The following ACSM6 variants were observed in gnomAD, a reference collection of about 807,000 sequenced individuals.
ACSM6 encodes acyl-CoA synthetase medium chain family member 6.
Under a neutral mutation model 51.1 loss-of-function variants are expected in ACSM6, and 35 were observed. The ratio of observed to expected loss-of-function variants is 0.69; its 90% CI spans 0.52 to 0.91. The LOEUF (loss-of-function observed/expected upper bound fraction) is 0.91. Among genes scored for constraint, ACSM6 ranks in the 40% least tolerant of loss-of-function variants. The pLI, the probability that ACSM6 is intolerant of heterozygous loss-of-function variation, is 0.00. For synonymous variants in ACSM6, 172 were observed against 207.3 expected (o/e 0.83, Z 1.46); for missense variants, 509 against 584.1 (o/e 0.87, Z 1.32).
intron 2 of ACSM6, among the ~76,000 whole-genome samples, chr10:95,200,355 G>T: frequency 8.3e-6 from 1 of 120,564 alleles, no homozygotes; most frequent in African/African-American, 3.1e-5. Context: ...TGTGGGGTGG[G>T]GGGAGGGGGG....
intron 2 of ACSM6, 55 bp downstream of exon 2, chr10:95,194,732 C>G: frequency 1.4e-6 from 2 of 1,444,952 alleles, no homozygotes; most frequent in Non-Finnish European, 1.9e-6. Context: ...GTTGGTAAAG[C>G]GTCCAAAGAT....
chr10:95,228,051 G>C (rs1356531060), intron 10 of ACSM6, among the ~76,000 whole-genome samples: 2 of 151,730 alleles, frequency 1.3e-5, no homozygotes, highest in Non-Finnish European at 2.9e-5. Flanking sequence ...CAACTTGCGT[G>C]ACAGAGTGAG....
At chr10:95,205,131 C>A (rs2034829218) in intron 3 of ACSM6, among the ~76,000 whole-genome samples, 1 of 152,178 alleles carries the variant, frequency 6.6e-6, no homozygotes, top group African/African-American at 2.4e-5. Flanking sequence ...CTGACATTAT[C>A]ACAAGAAATT....
At chr10:95,213,090 T>C (rs1196827669) in intron 7 of ACSM6, 150 bp downstream of exon 7, 5 of 557,320 alleles carry the variant, frequency 9.0e-6, no homozygotes. Context: ...TCCATTAGTG[T>C]GTGTGATTTT....
chr10:95,221,106 T>A (rs1175336916), intron 9 of ACSM6, among the ~76,000 whole-genome samples: 1 of 151,934 alleles, frequency 6.6e-6, no homozygotes, highest in Non-Finnish European at 1.5e-5. Flanking sequence ...TAAATGAAAT[T>A]GAAAAATAAA....
At chr10:95,216,506 T>A (rs1323833272) in intron 8 of ACSM6, among the ~76,000 whole-genome samples, 1 of 152,124 alleles carries the variant, frequency 6.6e-6, no homozygotes, top group Non-Finnish European at 1.5e-5. Flanking sequence ...ATGAACCTCA[T>A]GCTGAAGGCC....
At chr10:95,199,276 G>T (rs942165995) in intron 2 of ACSM6, among the ~76,000 whole-genome samples, 43 of 152,270 alleles carry the variant, frequency 2.8e-4, no homozygotes, top group African/African-American at 9.6e-4. Context: ...AATAAATGGT[G>T]CTGGGAAAAC....
chr10:95,204,275 G>A (rs563872173), intron 3 of ACSM6, among the ~76,000 whole-genome samples: 71 of 152,282 alleles, frequency 4.7e-4, no homozygotes, highest in African/African-American at 1.5e-3. Context: ...TTTATCAGCC[G>A]GGCGCAGTGG....
intron 3 of ACSM6, among the ~76,000 whole-genome samples, chr10:95,204,547 C>CT (rs1491065150): frequency 6.6e-6 from 1 of 151,808 alleles, no homozygotes; most frequent in Non-Finnish European, 1.5e-5. Flanking sequence ...GAATGAGACT[C>CT]TGTCTATTTA....
chr10:95,211,224 C>T (rs1458901037), intron 5 of ACSM6, among the ~76,000 whole-genome samples: 2 of 152,296 alleles, frequency 1.3e-5, no homozygotes, highest in Middle Eastern at 3.4e-3. Context: ...CACACCACCC[C>T]TTTTTTAAGA....
intron 3 of ACSM6, among the ~76,000 whole-genome samples, chr10:95,204,556 T>A (rs1406336966): frequency 6.6e-6 from 1 of 151,878 alleles, no homozygotes; most frequent in Non-Finnish European, 1.5e-5. Flanking sequence ...TCTGTCTATT[T>A]AAAAAAATAA....
At position 95,198,198 on chromosome 10, in the gene ACSM6, C is replaced by CTGA. The variant is rs1008092216; in HGVS notation, c.192+3523_192+3525dup. ...CTTTCTACATAGACACAGTAACAGTCTGATCTCTCTTTCTTTTCCCTACAT... is the reference window on the plus strand; with the variant it reads ...CTTTCTACATAGACACAGTAACAGTCTGATGATCTCTCTTTCTTTTCCCTACAT... On this transcript the variant is annotated intron_variant, in intron 2 of 10. Transcript: ENST00000341686. Among the ~76,000 whole-genome samples the CTGA allele has an allele frequency of 5.9e-5, 9 of 152,002 alleles. 1 individual carries two copies. The highest frequency in any genetic ancestry group is 1.7e-4 in the African/African-American group (7 of 41,370).
chr10:95,202,617 A>G (rs2034805642), intron 3 of ACSM6, among the ~76,000 whole-genome samples: 1 of 152,062 alleles, frequency 6.6e-6, no homozygotes, highest in Non-Finnish European at 1.5e-5. Context: ...CAGTTTCCCC[A>G]TCTATAAAAA....
chr10:95,211,015 T>C (rs928348273), intron 5 of ACSM6, among the ~76,000 whole-genome samples: 3 of 152,136 alleles, frequency 2.0e-5, no homozygotes, highest in Non-Finnish European at 2.9e-5. Flanking sequence ...AGAGCAGGGA[T>C]TCCATGCAGT....
At chr10:95,196,877 G>T (rs2034729446) in intron 2 of ACSM6, among the ~76,000 whole-genome samples, 1 of 152,080 alleles carries the variant, frequency 6.6e-6, no homozygotes, top group South Asian at 2.1e-4. Flanking sequence ...GTTGAACCAA[G>T]ATGTATTTAT....
intron 2 of ACSM6, 38 bp from the exon 3 acceptor site, chr10:95,201,947 C>T: frequency 6.5e-7 from 1 of 1,528,412 alleles, no homozygotes. Flanking sequence ...AATGTCCATG[C>T]TGACTAATAT....
At chr10:95,226,339 T>C (rs2035039226) in intron 10 of ACSM6, 1 of 152,024 alleles carries the variant, frequency 6.6e-6, no homozygotes, top group Non-Finnish European at 1.5e-5. Context: ...GAAGCTAAGA[T>C]GGACAGATCA....
exon 10 of ACSM6, chr10:95,225,338 A>G (rs1320447437): frequency 1.9e-6 from 3 of 1,551,756 alleles, no homozygotes; most frequent in Non-Finnish European, 2.6e-6. Context: ...AGAAGGAAAT[A>G]TTGCAATCCG....
intron 3 of ACSM6, among the ~76,000 whole-genome samples, chr10:95,206,653 T>TA (rs1201327604): frequency 6.6e-6 from 1 of 152,116 alleles, no homozygotes; most frequent in Non-Finnish European, 1.5e-5. Flanking sequence ...GCCTGAAAAC[T>TA]AAAAAGAAGC....
Sources: allele counts gnomAD v4.1 joint callset (sites outside exome capture counted in the v4.1 genomes callset), GRCh38; gene constraint gnomAD v4.1.1; transcripts MANE v1.5; gene names NCBI Gene and HGNC (gene_info 2026-07-23, HGNC 2026-07-21).